Variants in STRN4 observed in about 807,000 individuals in gnomAD.
The protein encoded by STRN4 is striatin-4.
A neutral mutation model predicts 77.9 loss-of-function variants in STRN4; 27 were observed. That is an observed-to-expected ratio of 0.35 (90% confidence interval 0.26 to 0.48). The LOEUF (loss-of-function observed/expected upper bound fraction) is 0.48, where lower values mean the gene tolerates loss of function less well. Ranked by LOEUF, STRN4 falls within the 20% of genes least tolerant of loss-of-function variation. STRN4 has a pLI of 0.99. For synonymous variants in STRN4, 466 were observed against 443.1 expected, an observed-to-expected ratio of 1.05 and a Z score of -0.65; for missense variants, 798 against 1,049.7, an observed-to-expected ratio of 0.76 and a Z score of 3.31.
chr19:46,723,858 G>A lies in STRN4; in HGVS notation c.1595-574C>T, dbSNP rs1385222540. Among the ~76,000 whole-genome samples the A allele has an allele frequency of 6.6e-6, 1 of 152,170 alleles. No individual in the cohort carries two copies. On this transcript the variant is annotated intron_variant, in intron 12 of 17. Coordinates refer to ENST00000263280, the MANE Select transcript of STRN4 (RefSeq NM_013403.3). This position sits in a 1 kb window ranked among gnomAD's most constrained non-coding sequence, Gnocchi z 5.5. ...TGGGACCGATCCTGACCTTGTGCAG[G>A]TGAGCCTGTTCTCTAAAGTCTGTCC...
chr19:46,737,576 G>T (rs1355340303), intron 3 of STRN4, among the ~76,000 whole-genome samples: 2 of 131,320 alleles, frequency 1.5e-5, no homozygotes, highest in East Asian at 5.4e-4. Context: ...TGTTTGCCCA[G>T]GCACACTGAC....
In STRN4 at chr19:46,723,241, G is replaced by A. The variant is rs756637719; in HGVS notation, c.1638C>T (p.Ala546=). The change falls in exon 13 of 18, where the codon GCC becomes GCT. Residue 546 remains alanine, a synonymous_variant. Coordinates refer to ENST00000263280, the MANE Select transcript of STRN4 (RefSeq NM_013403.3). This position sits in a 1 kb window ranked among gnomAD's most constrained non-coding sequence, Gnocchi z 5.5. ...LSHVLEGHGD[A]VWGLAFSPTS... ...TGGGACTGAAGGCCAGGCCCCACAC[G>A]GCGTCCCCGTGGCCCTCCAGGACGT... 2.3e-5 allele frequency: 36 copies of A among 1,551,126 alleles called. No homozygotes were observed. Among genetic ancestry groups the A allele is most frequent in the Admixed American group, 5.9e-5 (3 of 51,248 alleles).
chr19:46,735,405 GGAGATCACTT>G (rs2054339364), intron 4 of STRN4, among the ~76,000 whole-genome samples: 1 of 152,206 alleles, frequency 6.6e-6, no homozygotes, highest in East Asian at 1.9e-4. Context: ...GGCTGAGGCA[GGAGATCACTT>G]GAGCTCAGAT....
chr19:46,725,532 G>A lies in STRN4; in HGVS notation c.1365C>T (p.Thr455=), dbSNP rs770370239. The change falls in exon 10 of 18, where the codon ACC becomes ACT. Residue 455 remains threonine, a synonymous_variant. Transcript: ENST00000263280. The part of the protein sequence containing the change: ...AFHHSQSALL[T]ASEDGTLKLW... ...GCTTGAGCGTGCCGTCCTCGGAGGC[G>A]GTGAGCAGAGCCGACTGGCTGTGGT... 8.7e-6 allele frequency: 14 copies of A among 1,614,188 alleles called. No homozygotes were observed. The highest frequency in any genetic ancestry group is 6.7e-5 in the African/African-American group (5 of 75,054).
rs1048655036 is a variant in STRN4, at chr19:46,728,756, G to A, written c.901C>T (p.Pro301Ser). ...TCCTCATCCTCGTCTTCCATTTCGG[G>A]CACCAGAGCCTTGGATGGGAGCTGG... ...RVKLPSKALV[P>S]EMEDEDEEDD... The change falls in exon 7 of 18, where the codon CCC (proline) becomes TCC (serine). Residue 301 changes from proline to serine, a missense_variant. Transcript: ENST00000263280. The A allele has an allele frequency of 5.0e-6, 8 of 1,614,008 alleles. No individual in the cohort carries two copies. The African/African-American group carries it at 5.3e-5, about 11-fold the overall frequency.
intron 4 of STRN4, chr19:46,736,128 AGCCGGGTGTGATG>A (rs1026100256): frequency 3.3e-5 from 5 of 151,786 alleles, no homozygotes; most frequent in Admixed American, 6.6e-5. Flanking sequence ...TACAAAAATT[AGCCGGGTGTGATG>A]GCACCTGCCT....
intron 12 of STRN4, 85 bp downstream of exon 12, chr19:46,724,722 A>C: frequency 3.8e-6 from 6 of 1,590,276 alleles, no homozygotes; most frequent in Non-Finnish European, 5.2e-6. Flanking sequence ...AGTGTTGGCA[A>C]GAGGTGGACG....
At chr19:46,720,869 G>C in intron 16 of STRN4, 98 bp from the exon 17 acceptor site, 2 of 1,362,862 alleles carry the variant, frequency 1.5e-6, no homozygotes, top group Non-Finnish European at 1.9e-6. Context: ...GGCCTCAGGG[G>C]AAGTGGGGCT....
At chr19:46,722,368 GA>G (rs1237677406) in intron 14 of STRN4, 28 bp from the exon 15 acceptor site, 13 of 1,604,864 alleles carry the variant, frequency 8.1e-6, no homozygotes, top group Non-Finnish European at 1.1e-5. Flanking sequence ...AAGAGGGAAG[GA>G]TGTCAAGCAG....
intron 4 of STRN4, among the ~76,000 whole-genome samples, chr19:46,734,964 G>A (rs1482200540): frequency 4.0e-5 from 6 of 151,896 alleles, no homozygotes; most frequent in East Asian, 1.9e-4. Context: ...GCACCCGGCC[G>A]ATGTTTGCAA....
Position 46,722,911 on chromosome 19 carries a change from T to A in STRN4, c.1805A>T (p.Glu602Val). The A allele has an allele frequency of 6.2e-7, 1 of 1,613,922 alleles. No homozygotes were observed. The highest frequency in any genetic ancestry group is 1.1e-5 in the South Asian group (1 of 91,084). Residue 602 changes from glutamate (E) to valine (V), a missense_variant, in exon 14 of 18, where the codon GAG becomes GTG. This residue lies in a region of STRN4 where 287 missense variants were observed against 473.8 expected (regional missense o/e 0.61). Coordinates refer to ENST00000263280, the MANE Select transcript of STRN4 (RefSeq NM_013403.3). ...GAAGGAGGCCACGATGTGGGCAGGCTCGGTGCTGGTGAAGGCCACTGAGGT... is the reference window on the plus strand; with the variant it reads ...GAAGGAGGCCACGATGTGGGCAGGCACGGTGCTGGTGAAGGCCACTGAGGT... ...VPTSVAFTST[E>V]PAHIVASFRS...
Sources: gnomAD v4.1 joint callset for allele counts (sites outside exome capture counted in the v4.1 genomes callset) on GRCh38, gnomAD v4.1.1 for gene constraint, gnomAD v4.1.1 regional missense constraint, Gnocchi (gnomAD v3.1) non-coding constraint, MANE v1.5 for transcripts, NCBI Gene and HGNC (gene_info 2026-07-23, HGNC 2026-07-21) for gene names.